Variants in DIP2C observed in about 807,000 individuals in gnomAD.
The protein encoded by DIP2C is DIP2 acetate--CoA ligase C (putative), also known as disco-interacting protein 2 homolog C.
In DIP2C, 33 loss-of-function variants were observed where a neutral mutation model predicts 192.4. The ratio of observed to expected loss-of-function variants is 0.17; its 90% CI spans 0.13 to 0.23. The LOEUF (loss-of-function observed/expected upper bound fraction) is 0.23. DIP2C is among the 10% of genes least tolerant of loss of function. The pLI, the probability that DIP2C is intolerant of heterozygous loss-of-function variation, is 1.00. For synonymous variants in DIP2C, 979 were observed against 864.1 expected (o/e 1.13, Z -2.33); for missense variants, 1,537 against 2,110.1 (o/e 0.73, Z 5.32).
intron 1 of DIP2C, among the ~76,000 whole-genome samples, chr10:612,958 G>A (rs112753438): frequency 6.6e-6 from 1 of 152,138 alleles, no homozygotes; most frequent in African/African-American, 2.4e-5. Context: ...CCCTCCCAGT[G>A]GGTGTGCACG....
intron 1 of DIP2C, among the ~76,000 whole-genome samples, chr10:586,280 T>C (rs1323791110): frequency 6.6e-6 from 1 of 152,222 alleles, no homozygotes; most frequent in East Asian, 1.9e-4. Flanking sequence ...TGAATGTCCT[T>C]TCAGGGCCAT....
intron 1 of DIP2C, among the ~76,000 whole-genome samples, chr10:535,110 C>T (rs1368913198): frequency 6.6e-6 from 1 of 152,138 alleles, no homozygotes; most frequent in Non-Finnish European, 1.5e-5. Flanking sequence ...ACCTTCAGCA[C>T]CCGGGTTTGC....
chr10:432,624 G>A (rs535800349), intron 4 of DIP2C, among the ~76,000 whole-genome samples: 26 of 152,104 alleles, frequency 1.7e-4, no homozygotes, highest in African/African-American at 3.6e-4. Context: ...TGTTGGTTTC[G>A]TTGATTTTCT....
intron 2 of DIP2C, among the ~76,000 whole-genome samples, chr10:473,990 T>C (rs187081900): frequency 1.5e-3 from 226 of 152,356 alleles, no homozygotes; most frequent in African/African-American, 5.3e-3. Flanking sequence ...CTAAGTTTCA[T>C]GTGCTTTTCT....
intron 3 of DIP2C, among the ~76,000 whole-genome samples, chr10:454,057 G>A (rs1969079117): frequency 6.6e-6 from 1 of 152,236 alleles, no homozygotes; most frequent in African/African-American, 2.4e-5. Flanking sequence ...AGGCAATAAA[G>A]GGTGAATTTG....
At chr10:343,129 C>T (rs1564585422) in intron 28 of DIP2C, among the ~76,000 whole-genome samples, 1 of 152,082 alleles carries the variant, frequency 6.6e-6, no homozygotes, top group Non-Finnish European at 1.5e-5. Flanking sequence ...CTCTACTAAA[C>T]ATACAAAAAA....
At chr10:290,399 T>C (rs137905329) in intron 32 of DIP2C, among the ~76,000 whole-genome samples, 102 of 152,336 alleles carry the variant, frequency 6.7e-4, no homozygotes, top group Middle Eastern at 3.4e-3. Context: ...GGACTTGCCA[T>C]GAGAATACCT....
intron 1 of DIP2C, among the ~76,000 whole-genome samples, chr10:604,299 T>TTTATAGGTTG (rs1852315462): frequency 6.6e-6 from 1 of 152,136 alleles, no homozygotes; most frequent in African/African-American, 2.4e-5. Flanking sequence ...AATGAACACA[T>TTTATAGGTTG]CAGTCACCCA....
chr10:326,650 G>A (rs534062021), intron 31 of DIP2C, among the ~76,000 whole-genome samples: 11 of 152,280 alleles, frequency 7.2e-5, no homozygotes, highest in Middle Eastern at 3.4e-3. Context: ...TTCCTACAGC[G>A]ATCGTCTACA....
chr10:423,186 G>A (rs1966327537), intron 4 of DIP2C, 153 bp from the exon 5 acceptor site: 1 of 262,278 alleles, frequency 3.8e-6, no homozygotes, highest in Admixed American at 6.5e-5. Flanking sequence ...CCACGTTTCA[G>A]ATAATAAACC....
intron 4 of DIP2C, among the ~76,000 whole-genome samples, chr10:436,887 C>A (rs10904209): frequency 4.1e-5 from 5 of 122,768 alleles, no homozygotes; most frequent in East Asian, 5.7e-4. Context: ...TGATATGCTC[C>A]GCCCACACCT....
At chr10:357,185 A>T (rs1005735946) in intron 23 of DIP2C, among the ~76,000 whole-genome samples, 15 of 152,208 alleles carry the variant, frequency 9.9e-5, no homozygotes, top group Admixed American at 2.0e-4. Context: ...TGGCTGTGGG[A>T]AACAGGAAGG....
intron 29 of DIP2C, among the ~76,000 whole-genome samples, chr10:337,667 G>A (rs529618770): frequency 5.8e-4 from 82 of 141,150 alleles, no homozygotes; most frequent in Admixed American, 1.3e-3. Flanking sequence ...GTGTGTGTAC[G>A]CGTGTGTGTT....
intron 7 of DIP2C, among the ~76,000 whole-genome samples, chr10:414,729 G>GTATATATATATATA (rs1373768409): frequency 1.4e-5 from 1 of 69,258 alleles, no homozygotes; most frequent in Non-Finnish European, 2.8e-5. Context: ...GTGTGTGTGT[G>GTATATATATATATA]TGTGTGTGTG....
intron 1 of DIP2C, among the ~76,000 whole-genome samples, chr10:521,572 G>A (rs924247798): frequency 1.3e-5 from 2 of 152,182 alleles, no homozygotes; most frequent in East Asian, 3.9e-4. Flanking sequence ...AGCCGGTCCA[G>A]ATATAGGATC....
intron 1 of DIP2C, among the ~76,000 whole-genome samples, chr10:502,608 C>T (rs1393386321): frequency 6.6e-6 from 1 of 152,074 alleles, no homozygotes; most frequent in Non-Finnish European, 1.5e-5. Flanking sequence ...AAGGGATCTA[C>T]AAAAGTCAGT....
In DIP2C at chr10:335,386, A is replaced by C. The variant is rs115072997; in HGVS notation, c.3585-5785T>G. Reference sequence around the variant, plus strand: ...ATTTTCCTCCATAAACACCTAAGCCATCAAAATCAGAAAACCAACGCATTC... The same window carrying C: ...ATTTTCCTCCATAAACACCTAAGCCCTCAAAATCAGAAAACCAACGCATTC... On this transcript the variant is annotated intron_variant, in intron 29 of 36. Coordinates refer to ENST00000280886, the MANE Select transcript of DIP2C (RefSeq NM_014974.3). Among the ~76,000 whole-genome samples, 1,266 of 152,342 alleles carry C rather than the reference A, an allele frequency of 8.3e-3. 19 individuals carry two copies. The highest frequency in any genetic ancestry group is 0.029 in the African/African-American group (1,215 of 41,576).
chr10:513,371 T>C (rs191973229), intron 1 of DIP2C, among the ~76,000 whole-genome samples: 9 of 152,368 alleles, frequency 5.9e-5, no homozygotes, highest in Non-Finnish European at 1.2e-4. Flanking sequence ...TTAAAATTGT[T>C]TGTCGCGTGT....
chr10:445,017 T>C (rs1205394707), intron 3 of DIP2C, among the ~76,000 whole-genome samples: 5 of 152,252 alleles, frequency 3.3e-5, no homozygotes, highest in Non-Finnish European at 5.9e-5. Flanking sequence ...AAAGTGGCCG[T>C]GCCGTTTTAA....
Sources: gnomAD v4.1 joint callset for allele counts (sites outside exome capture counted in the v4.1 genomes callset) on GRCh38, gnomAD v4.1.1 for gene constraint, MANE v1.5 for transcripts, NCBI Gene and HGNC (gene_info 2026-07-23, HGNC 2026-07-21) for gene names.